Variants in MEGF9 observed in about 807,000 individuals in gnomAD.
MEGF9 encodes the protein multiple EGF like domains 9.
In MEGF9, 6 loss-of-function variants were observed where a neutral mutation model predicts 46.8. The ratio of observed to expected loss-of-function variants is 0.13; its 90% CI spans 0.07 to 0.25. The LOEUF (loss-of-function observed/expected upper bound fraction) is 0.25. MEGF9 is among the 10% of genes least tolerant of loss of function. MEGF9 has a pLI of 1.00. For missense variants in MEGF9, 683 were observed against 792.4 expected (o/e 0.86, Z 1.66); for synonymous variants, 302 against 330.7 (o/e 0.91, Z 0.94).
chr9:120,627,754 C>A (rs2043531724), intron 2 of MEGF9, among the ~76,000 whole-genome samples: 1 of 152,208 alleles, frequency 6.6e-6, no homozygotes, highest in African/African-American at 2.4e-5. Flanking sequence ...TGAGCCACTG[C>A]GCCCAGCCCA....
chr9:120,703,107 GCT>G (rs1273257884), intron 1 of MEGF9, among the ~76,000 whole-genome samples: 1 of 152,168 alleles, frequency 6.6e-6, no homozygotes, highest in Non-Finnish European at 1.5e-5. Flanking sequence ...AATATAATAA[GCT>G]GGATCTCAAG....
In MEGF9 at chr9:120,713,768, C is replaced by T. The variant is rs1460663758; in HGVS notation, c.591G>A (p.Ser197=). 7.7e-7 allele frequency: 1 copy of T among 1,290,934 alleles called. No individual in the cohort carries two copies. Among genetic ancestry groups the T allele is most frequent in the Non-Finnish European group, 9.8e-7 (1 of 1,019,570 alleles). 80.0% of individuals were successfully genotyped at this position (1,290,934 alleles called of 1,614,324 possible). ...GAGCGCCGGACTCACCTGGAGGAGG[C>T]GAAGAGGGGGCCTCGGTGGCAGGTG... The part of the protein sequence containing the change: ...PTPPATEAPS[S]PPPEYVCNCS... Residue 197 remains serine (S), a synonymous_variant, in exon 1 of 6, where the codon TCG becomes TCA. Coordinates refer to ENST00000373930, the MANE Select transcript of MEGF9 (RefSeq NM_001080497.3).
At chr9:120,682,039 C>G (rs892898035) in intron 1 of MEGF9, among the ~76,000 whole-genome samples, 5 of 152,154 alleles carry the variant, frequency 3.3e-5, no homozygotes, top group African/African-American at 7.2e-5. Context: ...ACAACAACAA[C>G]AAGCAACAAC....
chr9:120,699,724 T>C (rs75437932), intron 1 of MEGF9, among the ~76,000 whole-genome samples: 4 of 112,412 alleles, frequency 3.6e-5, no homozygotes, highest in Admixed American at 1.9e-4. Flanking sequence ...CCGTGTTTCT[T>C]AAAAAAAAAA....
At chr9:120,618,760 T>C (rs2043483630) in intron 3 of MEGF9, among the ~76,000 whole-genome samples, 1 of 151,182 alleles carries the variant, frequency 6.6e-6, no homozygotes, top group South Asian at 2.1e-4. Flanking sequence ...TAGCTGGGCG[T>C]GTGATGGTGG....
intron 1 of MEGF9, among the ~76,000 whole-genome samples, chr9:120,659,787 C>CTGTG (rs1564422552): frequency 8.3e-6 from 1 of 120,508 alleles, no homozygotes; most frequent in African/African-American, 3.2e-5. Flanking sequence ...GTGTGTGTGA[C>CTGTG]AGTGTGTGTG....
At chr9:120,703,746 G>A (rs1479560176) in intron 1 of MEGF9, among the ~76,000 whole-genome samples, 2 of 152,158 alleles carry the variant, frequency 1.3e-5, no homozygotes, top group Non-Finnish European at 2.9e-5. Flanking sequence ...GCTGAGACGG[G>A]TGGATCACCT....
At chr9:120,622,077 A>C (rs1481824277) in intron 3 of MEGF9, among the ~76,000 whole-genome samples, 2 of 152,214 alleles carry the variant, frequency 1.3e-5, no homozygotes, top group Admixed American at 1.3e-4. Context: ...TCTCCTCAGC[A>C]CAAGACTGAA....
intron 1 of MEGF9, among the ~76,000 whole-genome samples, chr9:120,688,640 A>T (rs971794499): frequency 6.6e-6 from 1 of 152,158 alleles, no homozygotes; most frequent in African/African-American, 2.4e-5. Flanking sequence ...CCTAAGGAGG[A>T]AAAACAGCAG....
chr9:120,713,798 G>A lies in MEGF9; in HGVS notation c.561C>T (p.Pro187=). The A allele has an allele frequency of 6.9e-6, 9 of 1,297,126 alleles. No homozygotes were observed. The highest frequency in any genetic ancestry group is 8.8e-6 in the Non-Finnish European group (9 of 1,022,110). 80.4% of individuals were successfully genotyped at this position (1,297,126 alleles called of 1,614,324 possible). A position where few individuals can be genotyped will look rare whatever the true frequency, so the allele number is the denominator to read the frequency against. Residue 187 remains proline (P), a synonymous_variant, in exon 1 of 6, where the codon CCC becomes CCT. Transcript: ENST00000373930. ...AGGGGGCCTCGGTGGCAGGTGGGGT[G>A]GGGAGGACGCTGCTGTTGCTGCTGC... is the stretch of plus-strand genomic sequence containing the variant. The part of the protein sequence containing the change: ...LPSSSNSSVL[P]TPPATEAPSS...
rs1229166332 is a variant in MEGF9, at chr9:120,601,898, G to A, written c.*3292C>T. 6.6e-6 allele frequency: 1 copy of A among 152,104 alleles called. No homozygotes were observed. Among genetic ancestry groups the A allele is most frequent in the Non-Finnish European group, 1.5e-5 (1 of 68,030 alleles). The allele number at this position is 152,104 out of a possible 1,614,324, so 9.4% of individuals were successfully genotyped here. On this transcript the variant is annotated 3_prime_UTR_variant, in exon 6 of 6. Coordinates refer to ENST00000373930, the MANE Select transcript of MEGF9 (RefSeq NM_001080497.3). ...ATGAATTAATGAAGATAAAAGCATCGCTTAATGGCAGTATCTGTAATTTCC... is the reference window on the plus strand; with the variant it reads ...ATGAATTAATGAAGATAAAAGCATCACTTAATGGCAGTATCTGTAATTTCC...
rs780631502 is a variant in MEGF9 at position 120,632,329 on chromosome 9, C to T, written c.804-9574G>A. Among the ~76,000 whole-genome samples, 133 of 123,976 alleles carry T rather than the reference C, an allele frequency of 1.1e-3. No individual in the cohort carries two copies. In the Middle Eastern group the frequency reaches 0.012, roughly 11 times the overall value. 81.3% of individuals were successfully genotyped at this position (123,976 alleles called of 152,430 possible). On this transcript the variant is annotated intron_variant, in intron 2 of 5. Coordinates refer to ENST00000373930, the MANE Select transcript of MEGF9 (RefSeq NM_001080497.3). ...TTTCATATTCTTGGATAAATTTATTCCTAAGTGTTTTTTTTTTTTTTTGGA... is the reference window on the plus strand; with the variant it reads ...TTTCATATTCTTGGATAAATTTATTTCTAAGTGTTTTTTTTTTTTTTTGGA...
chr9:120,695,915 T>C (rs1203067784), intron 1 of MEGF9, among the ~76,000 whole-genome samples: 3 of 152,214 alleles, frequency 2.0e-5, no homozygotes, highest in East Asian at 1.9e-4. Flanking sequence ...GGGCCAGTCA[T>C]TGAGGTTCCA....
intron 2 of MEGF9, among the ~76,000 whole-genome samples, chr9:120,650,820 GT>G (rs890175883): frequency 4.0e-4 from 58 of 146,822 alleles, no homozygotes; most frequent in East Asian, 1.4e-3. Flanking sequence ...GAATTTTCAT[GT>G]TTTTTTTTTT....
intron 1 of MEGF9, among the ~76,000 whole-genome samples, chr9:120,678,614 A>C (rs1323866576): frequency 6.6e-6 from 1 of 152,150 alleles, no homozygotes; most frequent in Non-Finnish European, 1.5e-5. Flanking sequence ...CTGGGATAAC[A>C]GGTGTGCACC....
At chr9:120,701,810 C>A (rs372691324) in intron 1 of MEGF9, among the ~76,000 whole-genome samples, 1 of 152,062 alleles carries the variant, frequency 6.6e-6, no homozygotes, top group Non-Finnish European at 1.5e-5. Flanking sequence ...TTTGGGAGGC[C>A]AAGGCGGGCG....
intron 1 of MEGF9, among the ~76,000 whole-genome samples, chr9:120,713,454 C>T (rs1036149762): frequency 6.6e-6 from 1 of 152,116 alleles, no homozygotes; most frequent in Non-Finnish European, 1.5e-5. Flanking sequence ...GCGAACCCAA[C>T]CCAAAAGTTT....
chr9:120,664,755 A>G (rs1287356552), intron 1 of MEGF9, among the ~76,000 whole-genome samples: 1 of 152,198 alleles, frequency 6.6e-6, no homozygotes, highest in African/African-American at 2.4e-5. Flanking sequence ...CAGAGCACTC[A>G]CCGGAATCTG....
intron 2 of MEGF9, among the ~76,000 whole-genome samples, chr9:120,627,964 A>G (rs1407747042): frequency 6.6e-6 from 1 of 152,224 alleles, no homozygotes; most frequent in East Asian, 1.9e-4. Flanking sequence ...ATTTTAAGCT[A>G]TTTTTAAATA....
Sources: allele counts gnomAD v4.1 joint callset (sites outside exome capture counted in the v4.1 genomes callset), GRCh38; gene constraint gnomAD v4.1.1; transcripts MANE v1.5; gene names NCBI Gene and HGNC (gene_info 2026-07-23, HGNC 2026-07-21).